Variants in RBFOX1 observed in about 807,000 individuals in gnomAD.
RBFOX1 encodes RNA binding fox-1 homolog 1.
RBFOX1 carries 8 observed loss-of-function variants against 57.7 expected under a neutral mutation model. The ratio of observed to expected loss-of-function variants is 0.14; its 90% CI spans 0.08 to 0.25. RBFOX1 has a LOEUF of 0.25. Among genes scored for constraint, RBFOX1 ranks in the 10% least tolerant of loss-of-function variants. The pLI is 1.00. For synonymous variants in RBFOX1, 326 were observed against 222.4 expected, an observed-to-expected ratio of 1.47 and a Z score of -4.15; for missense variants, 611 against 548.5, an observed-to-expected ratio of 1.11 and a Z score of -1.14.
intron 3 of RBFOX1, among the ~76,000 whole-genome samples, chr16:6,752,371 T>C (rs1285663094): frequency 1.3e-5 from 2 of 152,156 alleles, no homozygotes; most frequent in Non-Finnish European, 2.9e-5. Context: ...GCTGTGTCCA[T>C]ATGAGTAAAG....
rs139614132 is a variant in RBFOX1, at chr16:6,036,670, G to A, written c.-127+16678G>A. Among the ~76,000 whole-genome samples the A allele has an allele frequency of 1.8e-4, 28 of 152,272 alleles. 1 individual carries two copies. In the East Asian group the frequency reaches 5.4e-3, roughly 29 times the overall value. ...TCTCCACTTTTAGATGTTTTAGTCTGTGAGAGATAGGGACAAATACAACAC... is the reference window on the plus strand; with the variant it reads ...TCTCCACTTTTAGATGTTTTAGTCTATGAGAGATAGGGACAAATACAACAC... On this transcript the variant is annotated intron_variant, in intron 1 of 15. Coordinates refer to ENST00000550418, the MANE Select transcript of RBFOX1 (RefSeq NM_018723.4).
chr16:7,050,505 A>T (rs1364757707), intron 3 of RBFOX1, among the ~76,000 whole-genome samples: 1 of 152,018 alleles, frequency 6.6e-6, no homozygotes, highest in Non-Finnish European at 1.5e-5. Flanking sequence ...ACCTCACATG[A>T]TCCACCCGCC....
At chr16:7,451,879 C>A (rs2098865752) in intron 4 of RBFOX1, among the ~76,000 whole-genome samples, 1 of 152,128 alleles carries the variant, frequency 6.6e-6, no homozygotes, top group Non-Finnish European at 1.5e-5. Context: ...ATTTAAGCAG[C>A]AGAAGCTCTG....
intron 3 of RBFOX1, among the ~76,000 whole-genome samples, chr16:6,702,835 C>G (rs569393534): frequency 2.0e-5 from 3 of 152,166 alleles, no homozygotes; most frequent in African/African-American, 7.2e-5. Context: ...TAAATACATT[C>G]ACATTGTTGT....
chr16:7,565,998 G>C (rs1218269865), intron 5 of RBFOX1, among the ~76,000 whole-genome samples: 1 of 152,168 alleles, frequency 6.6e-6, no homozygotes, highest in African/African-American at 2.4e-5. Context: ...ATTCAGGAAA[G>C]ACTTGCCGAG....
rs1017063458 is a variant in RBFOX1, at chr16:7,126,314, T to C, written c.27+74216T>C. On this transcript the variant is annotated intron_variant, in intron 4 of 15. Coordinates refer to ENST00000550418, the MANE Select transcript of RBFOX1 (RefSeq NM_018723.4). ...CTCCTTACATGGGCTTTGGTGGGGGTCATGGGGCAGCACCCGCAGGTCTAA... is the reference window on the plus strand; with the variant it reads ...CTCCTTACATGGGCTTTGGTGGGGGCCATGGGGCAGCACCCGCAGGTCTAA... 1.9e-5 allele frequency: 6 copies of C among 309,486 alleles called. No homozygotes were observed. In the East Asian group the frequency reaches 5.7e-4, roughly 29 times the overall value. 19.2% of individuals were successfully genotyped at this position (309,486 alleles called of 1,614,324 possible).
chr16:5,301,520 G>A (rs2063802855), intron 1 of RBFOX1, among the ~76,000 whole-genome samples: 1 of 151,262 alleles, frequency 6.6e-6, no homozygotes, highest in Non-Finnish European at 1.5e-5. Context: ...TCGGGAAGCT[G>A]AGGCAGGAGA....
At position 6,799,853 on chromosome 16, in the gene RBFOX1, C is replaced by T. The variant is rs144121184; in HGVS notation, c.-16+145203C>T. On this transcript the variant is annotated intron_variant, in intron 3 of 15. Transcript: ENST00000550418. ...ACTGAAGGCTGCGCTGTCAGCTTCC[C>T]TGCTTTTAAGGTTTCGGGACTCGGA... Among the ~76,000 whole-genome samples the T allele has an allele frequency of 9.8e-4, 149 of 152,256 alleles. 1 individual carries two copies. Among genetic ancestry groups the T allele is most frequent in the Middle Eastern group, 3.4e-3 (1 of 294 alleles).
chr16:6,395,230 A>G (rs2152940913), intron 2 of RBFOX1, among the ~76,000 whole-genome samples: 1 of 152,352 alleles, frequency 6.6e-6, no homozygotes, highest in African/African-American at 2.4e-5. Context: ...AGAAAATAAA[A>G]AGTTCTGACC....
At chr16:5,853,126 C>A (rs1057444283) in intron 3 of RBFOX1, among the ~76,000 whole-genome samples, 2 of 151,884 alleles carry the variant, frequency 1.3e-5, no homozygotes, top group Admixed American at 1.3e-4. Context: ...AGGAGGCAGC[C>A]AGTAAGGGGG....
chr16:7,559,792 T>A (rs959279213), intron 5 of RBFOX1, among the ~76,000 whole-genome samples: 6 of 151,840 alleles, frequency 4.0e-5, no homozygotes, highest in African/African-American at 1.5e-4. Flanking sequence ...CACTTAGGAG[T>A]TTCTCAATCA....
intron 3 of RBFOX1, among the ~76,000 whole-genome samples, chr16:5,663,666 A>G (rs2049733921): frequency 6.6e-6 from 1 of 152,186 alleles, no homozygotes; most frequent in South Asian, 2.1e-4. Context: ...TACTTGGTGT[A>G]AGGCACCATG....
chr16:6,874,854 A>C (rs1456548929), intron 3 of RBFOX1, among the ~76,000 whole-genome samples: 1 of 152,148 alleles, frequency 6.6e-6, no homozygotes, highest in Non-Finnish European at 1.5e-5. Flanking sequence ...CAGAAATGAC[A>C]CCCAATGAAC....
At chr16:7,195,591 T>C (rs2086501091) in intron 4 of RBFOX1, among the ~76,000 whole-genome samples, 1 of 152,162 alleles carries the variant, frequency 6.6e-6, no homozygotes, top group African/African-American at 2.4e-5. Context: ...AGAGTCCAAC[T>C]CTCTTGCCCA....
intron 1 of RBFOX1, among the ~76,000 whole-genome samples, chr16:5,339,877 C>G (rs929647873): frequency 2.0e-5 from 3 of 152,052 alleles, no homozygotes; most frequent in Non-Finnish European, 4.4e-5. Context: ...GCCATAGAAT[C>G]CAGGTTGGCT....
At chr16:6,593,907 G>A (rs550472045) in intron 2 of RBFOX1, among the ~76,000 whole-genome samples, 2 of 152,260 alleles carry the variant, frequency 1.3e-5, no homozygotes, top group South Asian at 2.1e-4. Flanking sequence ...ATTGCCTAGC[G>A]ATTTACTGGC....
intron 1 of RBFOX1, among the ~76,000 whole-genome samples, chr16:6,063,506 C>CACACACACA (rs780793142): frequency 1.4e-4 from 6 of 42,528 alleles, no homozygotes; most frequent in African/African-American, 3.9e-4. Flanking sequence ...CACACACACA[C>CACACACACA]CCCCTTATAT....
chr16:6,770,485 G>C (rs2078105867), intron 3 of RBFOX1, among the ~76,000 whole-genome samples: 2 of 152,214 alleles, frequency 1.3e-5, no homozygotes, highest in African/African-American at 4.8e-5. Context: ...TACCACGGCA[G>C]AGCTCAATAT....
In RBFOX1 at chr16:7,029,109, CACACACACACACAT is replaced by C. The variant is rs1383671683; in HGVS notation, c.-15-22946_-15-22933del. Among the ~76,000 whole-genome samples the C allele has an allele frequency of 1.5e-4, 9 of 61,802 alleles. 1 individual carries two copies. The East Asian group carries it at 7.3e-3, about 50-fold the overall frequency. The allele number at this position is 61,802 out of a possible 152,430, so 40.5% of individuals were successfully genotyped here. On this transcript the variant is annotated intron_variant, in intron 3 of 15. Coordinates refer to ENST00000550418, the MANE Select transcript of RBFOX1 (RefSeq NM_018723.4). Reference sequence around the variant, plus strand: ...ACACACACACACACACACACACACACACACACACACACATATACGTATATATATATGTGTATATA... The same window carrying C: ...ACACACACACACACACACACACACACATACGTATATATATATGTGTATATA...
Sources: gnomAD v4.1 joint callset for allele counts (sites outside exome capture counted in the v4.1 genomes callset) on GRCh38, gnomAD v4.1.1 for gene constraint, MANE v1.5 for transcripts, NCBI Gene and HGNC (gene_info 2026-07-23, HGNC 2026-07-21) for gene names.